The following BAZ1B variants were observed in gnomAD, a reference collection of about 807,000 sequenced individuals.
BAZ1B encodes the protein bromodomain adjacent to zinc finger domain 1B, also known as tyrosine-protein kinase BAZ1B.
In BAZ1B, 22 loss-of-function variants were observed where a neutral mutation model predicts 153.8. That is an observed-to-expected ratio of 0.14 (90% CI 0.10 to 0.20). The LOEUF (loss-of-function observed/expected upper bound fraction) is 0.20, where lower values mean the gene tolerates loss of function less well. BAZ1B is among the 10% of genes least tolerant of loss of function. BAZ1B has a pLI of 1.00. For missense variants in BAZ1B, 1,325 were observed against 1,799.3 expected, an observed-to-expected ratio of 0.74 and a Z score of 4.77; for synonymous variants, 676 against 633.4, an observed-to-expected ratio of 1.07 and a Z score of -1.01.
At chr7:73,464,132 G>A (rs1224700597) in intron 11 of BAZ1B, 10 of 983,936 alleles carry the variant, frequency 1.0e-5, no homozygotes, top group African/African-American at 3.5e-5. Context: ...ATTGTCCTTC[G>A]CAAAAGTCTG....
At chr7:73,449,273 CAGAG>C in intron 15 of BAZ1B, among the ~76,000 whole-genome samples, 1 of 152,146 alleles carries the variant, frequency 6.6e-6, no homozygotes, top group South Asian at 2.1e-4. Flanking sequence ...AGGCTAAAGG[CAGAG>C]AGAGAGATTT....
At chr7:73,502,513 C>A (rs1025364060) in intron 3 of BAZ1B, among the ~76,000 whole-genome samples, 2 of 151,886 alleles carry the variant, frequency 1.3e-5, no homozygotes, top group South Asian at 2.1e-4. Context: ...AGCAGGAGGA[C>A]TGCTTGAGCT....
intron 4 of BAZ1B, among the ~76,000 whole-genome samples, chr7:73,497,976 GT>G (rs1176459920): frequency 7.0e-6 from 1 of 142,776 alleles, no homozygotes; most frequent in Non-Finnish European, 1.5e-5. Context: ...ATGGAGTTTT[GT>G]TTTTGTGGCC....
intron 1 of BAZ1B, among the ~76,000 whole-genome samples, chr7:73,517,805 C>A (rs1220153517): frequency 6.6e-6 from 1 of 152,178 alleles, no homozygotes; most frequent in Non-Finnish European, 1.5e-5. Flanking sequence ...ATCTACTTTG[C>A]CATCAGCTAC....
At chr7:73,489,684 T>C (rs965454027) in intron 5 of BAZ1B, among the ~76,000 whole-genome samples, 7 of 152,088 alleles carry the variant, frequency 4.6e-5, no homozygotes, top group African/African-American at 1.7e-4. Flanking sequence ...TCCTAGCTAT[T>C]TGGGAGGCTG....
chr7:73,472,918 C>T (rs1361865126), intron 7 of BAZ1B, among the ~76,000 whole-genome samples: 3 of 151,466 alleles, frequency 2.0e-5, no homozygotes, highest in Non-Finnish European at 2.9e-5. Context: ...GCTGGAATTA[C>T]AGGCACCACC....
rs1787609687 is a variant in BAZ1B at position 73,441,361 on chromosome 7, CCTG to C, written c.*345_*347del. On this transcript the variant is annotated 3_prime_UTR_variant, in exon 20 of 20. Coordinates refer to ENST00000339594, the MANE Select transcript of BAZ1B (RefSeq NM_032408.4). ...AAAAAAATTAAACATTTAAATTCTT[CCTG>C]CTTTTCTTCTGCTCCCCTAAGAGCT... is the stretch of plus-strand genomic sequence containing the variant. 1 of 152,534 alleles carries C rather than the reference CCTG, an allele frequency of 6.6e-6. No individual in the cohort carries two copies. Among genetic ancestry groups the C allele is most frequent in the African/African-American group, 2.4e-5 (1 of 41,446 alleles). 9.4% of individuals were successfully genotyped at this position (152,534 alleles called of 1,614,324 possible). A position where few individuals can be genotyped will look rare whatever the true frequency, so the allele number is the denominator to read the frequency against.
At chr7:73,500,159 A>G (rs1294058612) in intron 3 of BAZ1B, among the ~76,000 whole-genome samples, 6 of 152,184 alleles carry the variant, frequency 3.9e-5, no homozygotes, top group Non-Finnish European at 8.8e-5. Flanking sequence ...GTTTAATATA[A>G]TTATAGATAT....
intron 3 of BAZ1B, among the ~76,000 whole-genome samples, chr7:73,501,116 T>C (rs182903281): frequency 6.6e-5 from 10 of 151,298 alleles, no homozygotes; most frequent in Non-Finnish European, 2.9e-5. Context: ...ATTAGCTGGG[T>C]GTGGTGGCGC....
rs1317666111 is a variant in BAZ1B at position 73,472,280 on chromosome 7, CAG to C, written c.2594-1799_2594-1798del. ...TTTTTTTTTTTTCTTTTTTTTGAGA[CAG>C]AGTTTCTCTCGTGTTGTCCAGGCTG... On this transcript the variant is annotated intron_variant, in intron 7 of 19. Transcript: ENST00000339594. Among the ~76,000 whole-genome samples, 5 of 150,206 alleles carry C rather than the reference CAG, an allele frequency of 3.3e-5. No homozygotes were observed. In the South Asian group the frequency reaches 6.3e-4, roughly 19 times the overall value.
chr7:73,455,864 A>G (rs1788178975), intron 13 of BAZ1B, among the ~76,000 whole-genome samples: 2 of 152,244 alleles, frequency 1.3e-5, no homozygotes, highest in African/African-American at 4.8e-5. Flanking sequence ...ACAGATGTTT[A>G]GAATATACTG....
intron 4 of BAZ1B, among the ~76,000 whole-genome samples, chr7:73,493,183 G>A (rs989891064): frequency 1.3e-5 from 2 of 152,158 alleles, no homozygotes; most frequent in South Asian, 2.1e-4. Flanking sequence ...ATGAGAGGCC[G>A]GGCGTGGTGG....
rs574112990 is a variant in BAZ1B, at chr7:73,481,971, G to A, written c.892-3402C>T. Among the ~76,000 whole-genome samples the A allele has an allele frequency of 2.6e-5, 4 of 152,236 alleles. No homozygotes were observed. The East Asian group carries it at 5.8e-4, about 22-fold the overall frequency. ...GGAGAATGGCGTGAACCCGGGAGGC[G>A]GAGCTCGCAGTGAGCCGAGATCCCG... is the stretch of plus-strand genomic sequence containing the variant. On this transcript the variant is annotated intron_variant, in intron 6 of 19. Coordinates refer to ENST00000339594, the MANE Select transcript of BAZ1B (RefSeq NM_032408.4).
chr7:73,515,174 C>A (rs1173752135), intron 1 of BAZ1B, among the ~76,000 whole-genome samples: 1 of 152,230 alleles, frequency 6.6e-6, no homozygotes, highest in Non-Finnish European at 1.5e-5. Context: ...AAATTCTAAT[C>A]ATCCTTTAGA....
At chr7:73,458,369 C>T (rs1270067958) in intron 13 of BAZ1B, among the ~76,000 whole-genome samples, 1 of 152,054 alleles carries the variant, frequency 6.6e-6, no homozygotes, top group East Asian at 1.9e-4. Flanking sequence ...GCCACAGAAT[C>T]GAACACATAA....
chr7:73,519,402 C>T (rs1790939288), intron 1 of BAZ1B, among the ~76,000 whole-genome samples: 1 of 152,180 alleles, frequency 6.6e-6, no homozygotes, highest in Non-Finnish European at 1.5e-5. Flanking sequence ...ATCTGCCAAC[C>T]ATACAGTACA....
chr7:73,475,550 G>A (rs575921381), intron 7 of BAZ1B, among the ~76,000 whole-genome samples: 1 of 152,336 alleles, frequency 6.6e-6, no homozygotes, highest in Admixed American at 6.5e-5. Flanking sequence ...ACAGATTGGT[G>A]GTTGCTGGGG....
chr7:73,497,610 GTC>G (rs202055573), intron 4 of BAZ1B, among the ~76,000 whole-genome samples: 2,033 of 151,866 alleles, frequency 0.013, 42 homozygotes, highest in African/African-American at 0.044. Flanking sequence ...TACTCAGTTC[GTC>G]TCTGAGTTTC....
Position 73,459,617 on chromosome 7 carries a change from T to C in BAZ1B, c.3351A>G (p.Gln1117=). 6.2e-7 allele frequency: 1 copy of C among 1,614,154 alleles called. No individual in the cohort carries two copies. The highest frequency in any genetic ancestry group is 8.5e-7 in the Non-Finnish European group (1 of 1,180,030). The part of the protein sequence containing the change: ...KFLQGFMAPK[Q]KRRKLQSEDS... ...CTTCACTTTGGAGTTTTCTTCTCTT[T>C]TGCTTGGGAGCCATGAAGCCTTGGA... The change falls in exon 13 of 20, where the codon CAA becomes CAG. Residue 1117 remains glutamine (Q), a synonymous_variant. Transcript: ENST00000339594.
Sources: gnomAD v4.1 joint callset for allele counts (sites outside exome capture counted in the v4.1 genomes callset) on GRCh38, gnomAD v4.1.1 for gene constraint, MANE v1.5 for transcripts, NCBI Gene and HGNC (gene_info 2026-07-23, HGNC 2026-07-21) for gene names.